The following ADAM17 variants were observed in gnomAD, a reference collection of about 807,000 sequenced individuals.
ADAM17 encodes the protein disintegrin and metalloproteinase domain-containing protein 17.
In ADAM17, 39 loss-of-function variants were observed where a neutral mutation model predicts 96.7. The observed-to-expected ratio is 0.40, with a 90% CI of 0.31 to 0.53. ADAM17 has a LOEUF of 0.53. Ranked by LOEUF, ADAM17 falls within the 20% of genes least tolerant of loss-of-function variation. The pLI, the probability that ADAM17 is intolerant of heterozygous loss-of-function variation, is 0.44. For synonymous variants in ADAM17, 344 were observed against 359.2 expected (o/e 0.96, Z 0.48); for missense variants, 777 against 1,013.2 (o/e 0.77, Z 3.17).
chr2:9,509,207 C>T (rs1410113425), intron 11 of ADAM17, among the ~76,000 whole-genome samples: 2 of 152,186 alleles, frequency 1.3e-5, no homozygotes, highest in Admixed American at 6.5e-5. Context: ...TTAAGCTCTC[C>T]CCACCGACCC....
chr2:9,541,565 A>G (rs576143090), intron 2 of ADAM17, among the ~76,000 whole-genome samples: 104 of 152,206 alleles, frequency 6.8e-4, no homozygotes, highest in Non-Finnish European at 1.2e-3. Flanking sequence ...ACTCTGTCTC[A>G]AAAAACAAAA....
At chr2:9,543,835 G>GT (rs1410889955) in intron 1 of ADAM17, among the ~76,000 whole-genome samples, 7 of 152,142 alleles carry the variant, frequency 4.6e-5, no homozygotes, top group Non-Finnish European at 8.8e-5. Context: ...TGATTAGTAA[G>GT]TTCTAATATT....
intron 1 of ADAM17, among the ~76,000 whole-genome samples, chr2:9,547,539 G>A (rs1277869319): frequency 1.3e-5 from 2 of 152,090 alleles, no homozygotes; most frequent in Non-Finnish European, 2.9e-5. Flanking sequence ...GAAAGGAGAG[G>A]CCTTAGGTCA....
chr2:9,492,707 AT>A (rs904708992), intron 17 of ADAM17, among the ~76,000 whole-genome samples, 190 bp downstream of exon 17: 3 of 152,164 alleles, frequency 2.0e-5, no homozygotes, highest in Non-Finnish European at 2.9e-5. Context: ...CAAAAATAGT[AT>A]TTTTTTTAAA....
intron 8 of ADAM17, among the ~76,000 whole-genome samples, chr2:9,518,772 A>G (rs1055542514): frequency 9.8e-5 from 15 of 152,316 alleles, no homozygotes; most frequent in African/African-American, 3.6e-4. Context: ...TTTTACATCC[A>G]TTTAAATCAA....
In ADAM17 at chr2:9,543,126, C is replaced by T. The variant is rs72777013; in HGVS notation, c.230+27G>A. ...CCAAACCAAGCCCCCAGTGCCCCAA[C>T]ATTATTCCATGAATAATTCAAATTA... On this transcript the variant is annotated intron_variant, in intron 2 of 18. Coordinates refer to ENST00000310823, the MANE Select transcript of ADAM17 (RefSeq NM_003183.6). 8,503 of 1,549,236 alleles carry T rather than the reference C, an allele frequency of 5.5e-3. 30 individuals are homozygous for T. The highest frequency in any genetic ancestry group is 6.8e-3 in the Non-Finnish European group (7,805 of 1,148,872).
At chr2:9,499,110 CTTCTTTTT>C (rs1483842339) in intron 13 of ADAM17, among the ~76,000 whole-genome samples, 136 of 138,682 alleles carry the variant, frequency 9.8e-4, no homozygotes, top group Non-Finnish European at 1.3e-3. Context: ...TTTCTTTCTT[CTTCTTTTT>C]TTTTTTTTTT....
Position 9,505,273 on chromosome 2 carries a change from C to T in ADAM17, c.1437G>A (p.Gly479=). 1 of 1,614,168 alleles carries T rather than the reference C, an allele frequency of 6.2e-7. No homozygotes were observed. Among genetic ancestry groups the T allele is most frequent in the Non-Finnish European group, 8.5e-7 (1 of 1,180,020 alleles). ...CTTCTCCTTCATCCACCCTCGAGTT[C>T]CCACAAACTTTATTGCTGCGTTCTT... ...CFQERSNKVC[G]NSRVDEGEEC... The change falls in exon 12 of 19, where the codon GGG becomes GGA. Residue 479 remains glycine, a synonymous_variant. Transcript: ENST00000310823.
intron 6 of ADAM17, among the ~76,000 whole-genome samples, chr2:9,524,526 G>A (rs562213034): frequency 1.1e-4 from 17 of 152,074 alleles, no homozygotes; most frequent in Non-Finnish European, 1.8e-4. Context: ...AGGGAAGAAG[G>A]TCAGTGCTTC....
chr2:9,535,057 T>G (rs1664905298), intron 4 of ADAM17, among the ~76,000 whole-genome samples: 1 of 152,210 alleles, frequency 6.6e-6, no homozygotes, highest in Non-Finnish European at 1.5e-5. Flanking sequence ...TAATGGACAG[T>G]CAAAGGACTA....
chr2:9,495,646 G>A (rs1236561153), intron 14 of ADAM17, among the ~76,000 whole-genome samples: 4 of 151,412 alleles, frequency 2.6e-5, no homozygotes, highest in Non-Finnish European at 4.4e-5. Flanking sequence ...CCCGGGAGGC[G>A]GAGGCTGCGG....
intron 10 of ADAM17, among the ~76,000 whole-genome samples, chr2:9,511,025 C>T (rs1397964790): frequency 6.6e-6 from 1 of 152,174 alleles, no homozygotes; most frequent in Non-Finnish European, 1.5e-5. Flanking sequence ...CACACACAAT[C>T]TGGTGCTGAT....
At chr2:9,540,705 A>G (rs1253629918) in intron 2 of ADAM17, among the ~76,000 whole-genome samples, 1 of 152,204 alleles carries the variant, frequency 6.6e-6, no homozygotes, top group Non-Finnish European at 1.5e-5. Context: ...GCTACAATTC[A>G]GTAGTTAGAA....
rs115590266 is a variant in ADAM17 at position 9,492,808 on chromosome 2, G to A, written c.2082+90C>T. The A allele has an allele frequency of 5.8e-4, 666 of 1,150,508 alleles. 2 individuals carry two copies. In the African/African-American group the frequency reaches 9.4e-3, roughly 16 times the overall value. 71.3% of individuals were successfully genotyped at this position (1,150,508 alleles called of 1,614,324 possible). A position where few individuals can be genotyped will look rare whatever the true frequency, so the allele number is the denominator to read the frequency against. On this transcript the variant is annotated intron_variant, in intron 17 of 18. Coordinates refer to ENST00000310823, the MANE Select transcript of ADAM17 (RefSeq NM_003183.6). ...GAAATATCAGGCCAAACTTTGCTAA[G>A]AACAAGTTTTACCTTTTCCAGAGAT...
intron 4 of ADAM17, among the ~76,000 whole-genome samples, chr2:9,531,051 A>C (rs1664718236): frequency 6.6e-6 from 1 of 152,144 alleles, no homozygotes; most frequent in Non-Finnish European, 1.5e-5. Flanking sequence ...TCTGTCTCCC[A>C]GGTTCAAGCG....
At chr2:9,495,537 A>T (rs1169299556) in intron 14 of ADAM17, among the ~76,000 whole-genome samples, 1 of 152,116 alleles carries the variant, frequency 6.6e-6, no homozygotes, top group East Asian at 1.9e-4. Flanking sequence ...ACATGGCAAG[A>T]CCCCATCTCT....
At chr2:9,547,348 G>A (rs1490746815) in intron 1 of ADAM17, among the ~76,000 whole-genome samples, 1 of 152,160 alleles carries the variant, frequency 6.6e-6, no homozygotes, top group African/African-American at 2.4e-5. Flanking sequence ...CCAGTATTGT[G>A]ACACTGGAGG....
rs947149121 is a variant in ADAM17, at chr2:9,505,421, A to G, written c.1345-56T>C. ...AATAATATCATAAAAATGTATTCCC[A>G]TGCAATGTTTGTGTCTTCTCTAGAG... On this transcript the variant is annotated intron_variant, in intron 11 of 18. Transcript: ENST00000310823. The G allele has an allele frequency of 3.9e-6, 6 of 1,523,876 alleles. No individual in the cohort carries two copies. The African/African-American group carries it at 5.5e-5, about 14-fold the overall frequency. 94.4% of individuals were successfully genotyped at this position (1,523,876 alleles called of 1,614,324 possible).
intron 8 of ADAM17, among the ~76,000 whole-genome samples, chr2:9,519,758 G>A (rs1664233186): frequency 6.6e-6 from 1 of 151,726 alleles, no homozygotes; most frequent in African/African-American, 2.4e-5. Context: ...AACACAGGGA[G>A]AAGACAGCAT....
Sources: allele counts gnomAD v4.1 joint callset (sites outside exome capture counted in the v4.1 genomes callset), GRCh38; gene constraint gnomAD v4.1.1; transcripts MANE v1.5; gene names NCBI Gene and HGNC (gene_info 2026-07-23, HGNC 2026-07-21).